The following VPS13C variants were observed in gnomAD, a reference collection of about 807,000 sequenced individuals.
VPS13C encodes the protein vacuolar protein sorting 13 homolog C.
VPS13C carries 358 observed loss-of-function variants against 456.8 expected under a neutral mutation model. The ratio of observed to expected loss-of-function variants is 0.78; its 90% CI spans 0.72 to 0.86. The LOEUF (loss-of-function observed/expected upper bound fraction) is 0.86, where lower values mean the gene tolerates loss of function less well. VPS13C is among the 40% of genes least tolerant of loss of function. The probability of loss-of-function intolerance (pLI) is 0.00; values close to 1 mark genes in which losing one functional copy is unlikely to be tolerated. For missense variants in VPS13C, 4,818 were observed against 4,385.4 expected, an observed-to-expected ratio of 1.10 and a Z score of -2.79; for synonymous variants, 1,578 against 1,486.7, an observed-to-expected ratio of 1.06 and a Z score of -1.41.
At chr15:61,890,101 A>G in intron 67 of VPS13C, 64 bp downstream of exon 67, 2 of 1,475,916 alleles carry the variant, frequency 1.4e-6, no homozygotes, top group Non-Finnish European at 1.9e-6. Context: ...CTTTCTTCAA[A>G]TCGGCTATTA....
At position 61,858,378 on chromosome 15, in the gene VPS13C, C is replaced by T. The variant is rs1894045190; in HGVS notation, c.10953-1969G>A. Among the ~76,000 whole-genome samples the T allele has an allele frequency of 6.6e-6, 1 of 151,946 alleles. No individual in the cohort carries two copies. Among genetic ancestry groups the T allele is most frequent in the Non-Finnish European group, 1.5e-5 (1 of 67,998 alleles). On this transcript the variant is annotated intron_variant, in intron 82 of 84. Transcript: ENST00000644861. The surrounding 1 kb of genome is among the most constrained non-coding windows in gnomAD (Gnocchi z 4.4). ...TCTATCTATCTGTCTATCTATCTCCCTCCCTCCCTATCATGTATTCCTTTC... is the reference window on the plus strand; with the variant it reads ...TCTATCTATCTGTCTATCTATCTCCTTCCCTCCCTATCATGTATTCCTTTC...
Position 61,984,998 on chromosome 15 carries a change from T to C in VPS13C, c.1580A>G (p.Tyr527Cys), listed in dbSNP as rs775512690. The C allele has an allele frequency of 2.7e-6, 4 of 1,489,674 alleles. No homozygotes were observed. Among genetic ancestry groups the C allele is most frequent in the Admixed American group, 2.4e-5 (1 of 42,224 alleles). 92.3% of individuals were successfully genotyped at this position (1,489,674 alleles called of 1,614,324 possible). The change falls in exon 19 of 85, where the codon TAT becomes TGT. Residue 527 changes from tyrosine to cysteine, a missense_variant and splice_region_variant. This residue lies in a region of VPS13C where 4,552 missense variants were observed against 4,130.6 expected (regional missense o/e 1.10). Coordinates refer to ENST00000644861, the MANE Select transcript of VPS13C (RefSeq NM_020821.3). ...STHNLTLPKQ[Y>C]VAHIMTLKLV... The stretch of plus-strand genomic sequence containing the variant: ...CTTCAGGGTCATAATATGGGCAACA[T>C]ACTATACAGAAAGAATGAAATTAAA...
intron 27 of VPS13C, 68 bp from the exon 28 acceptor site, chr15:61,969,520 A>T: frequency 8.6e-7 from 1 of 1,160,752 alleles, no homozygotes; most frequent in Non-Finnish European, 1.2e-6. Flanking sequence ...ATGAAAACAA[A>T]ATCTTTCTCC....
At chr15:62,028,094 G>GT (rs1326194784) in intron 6 of VPS13C, among the ~76,000 whole-genome samples, 1 of 151,694 alleles carries the variant, frequency 6.6e-6, no homozygotes, top group Non-Finnish European at 1.5e-5. Flanking sequence ...TCTAAGCTTC[G>GT]TAAGAACAGT....
At position 61,919,396 on chromosome 15, in the gene VPS13C, G is replaced by A. The variant is rs1355893979; in HGVS notation, c.7531C>T (p.Arg2511Ter). ...ANIPVARPGR[R>*]LYNVRNPNAS... is the part of the protein sequence containing the mutation. ...TTGGGATTCCGTACATTATACAATCGCCGTCCAGGTCTGGCCACAGGGATA... is the reference window on the plus strand; with the variant it reads ...TTGGGATTCCGTACATTATACAATCACCGTCCAGGTCTGGCCACAGGGATA... The change falls in exon 58 of 85, where the codon CGA (arginine) becomes TGA (stop). Residue 2511 changes from arginine (R) to a stop codon, truncating the protein, a stop_gained. Coordinates refer to ENST00000644861, the MANE Select transcript of VPS13C (RefSeq NM_020821.3). LOFTEE classifies it high-confidence loss of function. 3.7e-6 allele frequency: 6 copies of A among 1,600,806 alleles called. No individual in the cohort carries two copies. Among genetic ancestry groups the A allele is most frequent in the East Asian group, 2.3e-5 (1 of 43,748 alleles).
chr15:62,009,822 A>G (rs904435885), intron 13 of VPS13C, among the ~76,000 whole-genome samples: 2 of 152,180 alleles, frequency 1.3e-5, no homozygotes, highest in African/African-American at 4.8e-5. Flanking sequence ...TAGCTGTTCT[A>G]AAAATTAAAG....
intron 53 of VPS13C, among the ~76,000 whole-genome samples, chr15:61,925,074 A>G (rs1419135858): frequency 6.6e-6 from 1 of 152,218 alleles, no homozygotes; most frequent in African/African-American, 2.4e-5. Flanking sequence ...CAACTTATAC[A>G]TCAAATAAAA....
At chr15:61,979,502 T>G (rs2045808296) in intron 22 of VPS13C, among the ~76,000 whole-genome samples, 1 of 152,168 alleles carries the variant, frequency 6.6e-6, no homozygotes, top group Admixed American at 6.5e-5. Flanking sequence ...TAATGCTTTA[T>G]GAAAAATGTA....
intron 53 of VPS13C, among the ~76,000 whole-genome samples, chr15:61,924,470 T>C (rs2043776982): frequency 6.6e-6 from 1 of 152,224 alleles, no homozygotes; most frequent in Non-Finnish European, 1.5e-5. Flanking sequence ...CCCAATGCCT[T>C]GTAAAGGACA....
intron 78 of VPS13C, among the ~76,000 whole-genome samples, chr15:61,872,738 A>G (rs1368692806): frequency 6.6e-6 from 1 of 152,086 alleles, no homozygotes; most frequent in Non-Finnish European, 1.5e-5. Flanking sequence ...CCTTACTTAT[A>G]ATGTTTTATT....
chr15:61,881,766 T>C lies in VPS13C; in HGVS notation c.9687A>G (p.Lys3229=), dbSNP rs1261907425. ...TTTTACCTGAATCTAAAGCAATAGA[T>C]TTTGGAGGGGCAACAGGATGAAATA... ...PVVFHPVAPP[K]SIALDSEPKP... Residue 3229 remains lysine, a synonymous_variant, in exon 70 of 85, where the codon AAA becomes AAG. Coordinates refer to ENST00000644861, the MANE Select transcript of VPS13C (RefSeq NM_020821.3). 6.2e-7 allele frequency: 1 copy of C among 1,609,090 alleles called. No individual in the cohort carries two copies. Among genetic ancestry groups the C allele is most frequent in the South Asian group, 1.1e-5 (1 of 89,720 alleles).
At chr15:62,015,525 C>A (rs1178131382) in intron 9 of VPS13C, among the ~76,000 whole-genome samples, 1 of 149,898 alleles carries the variant, frequency 6.7e-6, no homozygotes, top group Non-Finnish European at 1.5e-5. Flanking sequence ...TGGAACCAAC[C>A]CAAATGTCCA....
chr15:61,927,362 G>C, intron 51 of VPS13C, 42 bp from the exon 52 acceptor site: 2 of 1,520,746 alleles, frequency 1.3e-6, no homozygotes, highest in Non-Finnish European at 1.8e-6. Flanking sequence ...TTTAAGGTAA[G>C]TCTTTTCATT....
At position 62,058,472 on chromosome 15, in the gene VPS13C, A is replaced by C. The variant is rs545511040; in HGVS notation, c.100+1803T>G. Among the ~76,000 whole-genome samples the C allele has an allele frequency of 5.9e-5, 9 of 152,336 alleles. No individual in the cohort carries two copies. In the South Asian group the frequency reaches 1.9e-3, roughly 32 times the overall value. ...AATATTTCGGGGGGAAAAAATAAAAAGTATCAATTCAGCAATAAAAAAATG... is the reference window on the plus strand; with the variant it reads ...AATATTTCGGGGGGAAAAAATAAAACGTATCAATTCAGCAATAAAAAAATG... On this transcript the variant is annotated intron_variant, in intron 1 of 84. Coordinates refer to ENST00000644861, the MANE Select transcript of VPS13C (RefSeq NM_020821.3).
rs771430294 is a variant in VPS13C at position 61,910,291 on chromosome 15, C to A, written c.8730G>T (p.Trp2910Cys). Residue 2910 changes from tryptophan (W) to cysteine (C), a missense_variant, in exon 64 of 85, where the codon TGG becomes TGT. Transcript: ENST00000644861. ...YIASSECLPFWPESLSGKLCV... is the reference protein window; with the variant it reads ...YIASSECLPFCPESLSGKLCV... ...AAAGTTTGCCTGACAAACTTTCTGG[C>A]CAAAATGGAAGGCACTAAAAATATA... is the stretch of plus-strand genomic sequence containing the variant. 1 of 1,520,560 alleles carries A rather than the reference C, an allele frequency of 6.6e-7. No individual in the cohort carries two copies. The highest frequency in any genetic ancestry group is 1.9e-5 in the Admixed American group (1 of 53,134). 94.2% of individuals were successfully genotyped at this position (1,520,560 alleles called of 1,614,324 possible).
intron 1 of VPS13C, among the ~76,000 whole-genome samples, chr15:62,051,578 T>C (rs1400839010): frequency 6.6e-6 from 1 of 152,146 alleles, no homozygotes; most frequent in Non-Finnish European, 1.5e-5. Context: ...ATTCAGAAGG[T>C]AATTCGACCT....
Position 61,962,739 on chromosome 15 carries a change from A to C in VPS13C, c.3435+10T>G, listed in dbSNP as rs2045250789. The stretch of plus-strand genomic sequence containing the variant: ...TAAAGAATATTAACTATCTGTTTAC[A>C]ATCACCTACTTTCTTATGAACTGTC... On this transcript the variant is annotated intron_variant, in intron 33 of 84. Coordinates refer to ENST00000644861, the MANE Select transcript of VPS13C (RefSeq NM_020821.3). 6.4e-7 allele frequency: 1 copy of C among 1,559,746 alleles called. No homozygotes were observed. The highest frequency in any genetic ancestry group is 8.8e-7 in the Non-Finnish European group (1 of 1,141,860).
chr15:62,011,088 T>C (rs533597847), intron 12 of VPS13C, among the ~76,000 whole-genome samples: 2 of 152,274 alleles, frequency 1.3e-5, no homozygotes, highest in Admixed American at 1.3e-4. Context: ...AAAATAATCA[T>C]TACGTATATA....
intron 9 of VPS13C, among the ~76,000 whole-genome samples, chr15:62,016,832 C>A (rs1346352094): frequency 6.6e-6 from 1 of 152,106 alleles, no homozygotes; most frequent in African/African-American, 2.4e-5. Flanking sequence ...TTCTAGATCC[C>A]TGAGGAATCG....
Sources: gnomAD v4.1 joint callset for allele counts (sites outside exome capture counted in the v4.1 genomes callset) on GRCh38, gnomAD v4.1.1 for gene constraint, gnomAD v4.1.1 regional missense constraint, Gnocchi (gnomAD v3.1) non-coding constraint, MANE v1.5 for transcripts, NCBI Gene and HGNC (gene_info 2026-07-23, HGNC 2026-07-21) for gene names.